Variants in KDM1A observed in about 807,000 individuals in gnomAD.
KDM1A encodes the protein lysine-specific histone demethylase 1A.
Under a neutral mutation model 109.4 loss-of-function variants are expected in KDM1A, and 49 were observed. That is an observed-to-expected ratio of 0.45 (90% CI 0.36 to 0.57). The LOEUF (loss-of-function observed/expected upper bound fraction) is 0.57. KDM1A is among the 20% of genes least tolerant of loss of function. The pLI is 0.00. For synonymous variants in KDM1A, 380 were observed against 415.4 expected (o/e 0.91, Z 1.04); for missense variants, 668 against 1,116.6 (o/e 0.60, Z 5.73).
intron 1 of KDM1A, among the ~76,000 whole-genome samples, chr1:23,025,776 CGT>C (rs1641779055): frequency 6.6e-6 from 1 of 152,002 alleles, no homozygotes; most frequent in African/African-American, 2.4e-5. Flanking sequence ...CTTTTTTACT[CGT>C]GTGTTAGTGA....
Position 23,068,600 on chromosome 1 carries a change from CT to C in KDM1A, c.1243del (p.Tyr415ThrfsTer6). Reference sequence around the variant, plus strand: ...TTTAACCGGTTGCTAGAAGCTACATCTTACCTTAGTCATCAACTAGACTTCA... The same window carrying C: ...TTTAACCGGTTGCTAGAAGCTACATCTACCTTAGTCATCAACTAGACTTCA... ...QEFNRLLEAT[S>X]YLSHQLDFNV... On this transcript the variant is annotated frameshift_variant, in exon 11 of 21. Transcript: ENST00000400181. LOFTEE classifies it high-confidence loss of function. The C allele has an allele frequency of 6.2e-7, 1 of 1,606,070 alleles. No homozygotes were observed. Among genetic ancestry groups the C allele is most frequent in the Non-Finnish European group, 8.5e-7 (1 of 1,178,164 alleles).
Position 23,071,174 on chromosome 1 carries a change from C to T in KDM1A, c.1414-51C>T, listed in dbSNP as rs1643308351. 4.7e-6 allele frequency: 7 copies of T among 1,496,088 alleles called. No individual in the cohort carries two copies. The Admixed American group carries it at 9.9e-5, about 21-fold the overall frequency. 92.7% of individuals were successfully genotyped at this position (1,496,088 alleles called of 1,614,324 possible). ...CAAAAAAGGGTACATGTGATGTAGA[C>T]ATAAACTACATTGCTATCTGGAATG... On this transcript the variant is annotated intron_variant, in intron 12 of 20. Transcript: ENST00000400181.
In KDM1A at chr1:23,031,594, T is replaced by G. The variant is rs1557507673; in HGVS notation, c.517+960T>G. Among the ~76,000 whole-genome samples, 7 of 152,242 alleles carry G rather than the reference T, an allele frequency of 4.6e-5. No individual in the cohort carries two copies. The South Asian group carries it at 1.2e-3, about 27-fold the overall frequency. Reference sequence around the variant, plus strand: ...GTTTTAGCCTTTTTTTTTTAAGGGTTTTCTCCCCTATGGTGTTACTGTGAA... The same window carrying G: ...GTTTTAGCCTTTTTTTTTTAAGGGTGTTCTCCCCTATGGTGTTACTGTGAA... On this transcript the variant is annotated intron_variant, in intron 2 of 20. Transcript: ENST00000400181.
intron 7 of KDM1A, among the ~76,000 whole-genome samples, chr1:23,056,695 T>C (rs1642839392): frequency 6.6e-6 from 1 of 151,772 alleles, no homozygotes; most frequent in Admixed American, 6.6e-5. Flanking sequence ...AAAACATCTT[T>C]GTGCACTTTG....
chr1:23,021,041 A>C (rs1256287171), intron 1 of KDM1A, among the ~76,000 whole-genome samples: 1 of 152,204 alleles, frequency 6.6e-6, no homozygotes, highest in Non-Finnish European at 1.5e-5. Context: ...TATATAATTT[A>C]TGCCTGAAAA....
chr1:23,023,846 T>TA (rs1362199806), intron 1 of KDM1A, among the ~76,000 whole-genome samples: 1 of 152,186 alleles, frequency 6.6e-6, no homozygotes, highest in African/African-American at 2.4e-5. Context: ...TTTCTTTTTT[T>TA]AGCTAACTGA....
intron 13 of KDM1A, 85 bp downstream of exon 13, chr1:23,071,444 A>G (rs1643317604): frequency 7.5e-7 from 1 of 1,338,330 alleles, no homozygotes. Context: ...AAAGAGAGCC[A>G]CTAGCCAATC....
chr1:23,066,416 G>A (rs552072524), intron 10 of KDM1A, among the ~76,000 whole-genome samples: 17 of 152,138 alleles, frequency 1.1e-4, no homozygotes, highest in Non-Finnish European at 2.4e-4. Context: ...ACACACCCTG[G>A]ACCCCAGTTA....
At chr1:23,072,846 G>A (rs1414028751) in intron 14 of KDM1A, among the ~76,000 whole-genome samples, 1 of 151,992 alleles carries the variant, frequency 6.6e-6, no homozygotes, top group African/African-American at 2.4e-5. Flanking sequence ...TCACCTGTTG[G>A]CCAGGCTGAT....
intron 2 of KDM1A, among the ~76,000 whole-genome samples, chr1:23,038,761 A>C (rs1262554811): frequency 6.6e-6 from 1 of 152,222 alleles, no homozygotes; most frequent in African/African-American, 2.4e-5. Flanking sequence ...TCAGCAGTTC[A>C]GTGGAAGTTC....
At chr1:23,020,111 A>G in intron 1 of KDM1A, 164 bp downstream of exon 1, 1 of 730,982 alleles carries the variant, frequency 1.4e-6, no homozygotes, top group Non-Finnish European at 2.0e-6. Context: ...GGGTGGGGTG[A>G]GAAAGGAAAA....
chr1:23,022,332 T>TG lies in KDM1A; in HGVS notation c.351+2385_351+2386insG, dbSNP rs200510821. 6.1e-3 allele frequency among the ~76,000 whole-genome samples: 538 copies of TG among 88,564 alleles called. 5 individuals are homozygous for TG. Among genetic ancestry groups the TG allele is most frequent in the Middle Eastern group, 0.022 (4 of 186 alleles). 58.1% of individuals were successfully genotyped at this position (88,564 alleles called of 152,430 possible). On this transcript the variant is annotated intron_variant, in intron 1 of 20. Coordinates refer to ENST00000400181, the MANE Select transcript of KDM1A (RefSeq NM_001009999.3). ...CTCCAATGTTCTTCTTCGTTTTTTT[T>TG]TTTTTGTTGTTGTTGTTTTTGAGAT...
intron 15 of KDM1A, 130 bp from the exon 16 acceptor site, chr1:23,077,098 G>A (rs772101130): frequency 7.5e-6 from 6 of 800,202 alleles, no homozygotes; most frequent in Non-Finnish European, 1.1e-5. Flanking sequence ...TGAGTGATTT[G>A]TTCTTTAGTT....
chr1:23,049,474 A>G (rs1275937199), intron 3 of KDM1A, among the ~76,000 whole-genome samples: 3 of 152,076 alleles, frequency 2.0e-5, no homozygotes, highest in South Asian at 2.1e-4. Flanking sequence ...ACCTGAGGTC[A>G]GGAGTTCGAG....
chr1:23,054,998 T>C lies in KDM1A; in HGVS notation c.791-71T>C, dbSNP rs1042761236. 5 of 936,138 alleles carry C rather than the reference T, an allele frequency of 5.3e-6. No homozygotes were observed. The Admixed American group carries it at 1.1e-4, about 21-fold the overall frequency. 58.0% of individuals were successfully genotyped at this position (936,138 alleles called of 1,614,324 possible). On this transcript the variant is annotated intron_variant, in intron 5 of 20. Transcript: ENST00000400181. ...TTTTAAGGACTTCATGATGGAGAAA[T>C]GGAAGAGTTAGAAGAATATTGTTTA...
intron 1 of KDM1A, among the ~76,000 whole-genome samples, chr1:23,028,995 G>C (rs1411180747): frequency 6.6e-6 from 1 of 152,130 alleles, no homozygotes; most frequent in Non-Finnish European, 1.5e-5. Flanking sequence ...GATTCTTAGA[G>C]CATGGGTCAG....
chr1:23,081,862 C>T (rs1335831959), intron 19 of KDM1A: 6 of 436,094 alleles, frequency 1.4e-5, no homozygotes, highest in Non-Finnish European at 2.4e-5. Context: ...TGAGTATCTC[C>T]GGGAAGTTTT....
chr1:23,081,508 GA>G lies in KDM1A; in HGVS notation c.2234del (p.Asp745ValfsTer2). The G allele has an allele frequency of 6.2e-7, 1 of 1,614,176 alleles. No individual in the cohort carries two copies. The highest frequency in any genetic ancestry group is 8.5e-7 in the Non-Finnish European group (1 of 1,179,998). On this transcript the variant is annotated frameshift_variant, in exon 19 of 21. Transcript: ENST00000400181. LOFTEE classifies it high-confidence loss of function. ...TGGTATCATGGAAAACATAAGTGAC[GA>G]TGTGATTGTTGGCCGATGCCTGGCC... The part of the protein sequence containing the change: ...AAGIMENISD[D>X]VIVGRCLAIL...
rs1262861875 is a variant in KDM1A at position 23,023,000 on chromosome 1, T to TA, written c.351+3054dup. Among the ~76,000 whole-genome samples, 7 of 152,294 alleles carry TA rather than the reference T, an allele frequency of 4.6e-5. No individual in the cohort carries two copies. In the East Asian group the frequency reaches 1.3e-3, roughly 29 times the overall value. On this transcript the variant is annotated intron_variant, in intron 1 of 20. Transcript: ENST00000400181. ...ATTTAATATTGTTTGTCTTTTACTG[T>TA]AGCCATCCTATTGGGGGTAAAGTGG...
Sources: gnomAD v4.1 joint callset for allele counts (sites outside exome capture counted in the v4.1 genomes callset) on GRCh38, gnomAD v4.1.1 for gene constraint, MANE v1.5 for transcripts, NCBI Gene and HGNC (gene_info 2026-07-23, HGNC 2026-07-21) for gene names.